SOX5: variants seen among roughly 807,000 people sequenced by gnomAD.
SOX5 encodes SRY-box transcription factor 5, also known as transcription factor SOX-5.
Under a neutral mutation model 92.0 loss-of-function variants are expected in SOX5, and 9 were observed. The ratio of observed to expected loss-of-function variants is 0.10; its 90% CI spans 0.06 to 0.17. The LOEUF is 0.17. Ranked by LOEUF, SOX5 falls within the 10% of genes least tolerant of loss-of-function variation. SOX5 has a pLI of 1.00. For missense variants in SOX5, 642 were observed against 944.5 expected (o/e 0.68, Z 4.20); for synonymous variants, 344 against 336.3 (o/e 1.02, Z -0.25).
At chr12:24,508,972 C>T (rs1020246059) in intron 1 of SOX5, among the ~76,000 whole-genome samples, 2 of 152,108 alleles carry the variant, frequency 1.3e-5, no homozygotes, top group African/African-American at 4.8e-5. Flanking sequence ...AAAGAAAGTT[C>T]GGAAATTGCC....
At chr12:23,955,684 T>G (rs1325787538), upstream of SOX5, among the ~76,000 whole-genome samples, 1 of 152,068 alleles carries the variant, frequency 6.6e-6, no homozygotes, top group Non-Finnish European at 1.5e-5. Context: ...TGTTCGCTTA[T>G]GAAGATGAAA....
intron 11 of SOX5, among the ~76,000 whole-genome samples, chr12:23,546,815 A>G (rs1290867164): frequency 6.6e-6 from 1 of 152,174 alleles, no homozygotes; most frequent in Non-Finnish European, 1.5e-5. Context: ...AGCCCAGAGA[A>G]AGTCTTCCAA....
chr12:24,114,927 C>A (rs1235103942), intron 4 of SOX5, among the ~76,000 whole-genome samples: 2 of 97,562 alleles, frequency 2.0e-5, no homozygotes, highest in South Asian at 1.2e-3. Context: ...CAGAGTGAGA[C>A]CCTGTCTCTA....
chr12:24,020,136 G>A (rs1163778628), intron 4 of SOX5, among the ~76,000 whole-genome samples: 3 of 152,116 alleles, frequency 2.0e-5, no homozygotes, highest in Non-Finnish European at 4.4e-5. Flanking sequence ...TCAATGTTGA[G>A]CAGTCCTTAA....
chr12:24,116,432 T>G (rs1310928214), intron 4 of SOX5, among the ~76,000 whole-genome samples: 4 of 152,166 alleles, frequency 2.6e-5, no homozygotes, highest in South Asian at 2.1e-4. Context: ...TCAAGGCAGA[T>G]TTTTGTAAAA....
intron 4 of SOX5, among the ~76,000 whole-genome samples, chr12:24,056,971 T>A (rs1166009516): frequency 7.0e-5 from 2 of 28,476 alleles, no homozygotes; most frequent in African/African-American, 2.6e-4. Context: ...CGAGACTCCG[T>A]CTCAAAAAAA....
chr12:23,743,486 A>G lies in SOX5; in HGVS notation c.569-2447T>C, dbSNP rs1003186990. 2.6e-5 allele frequency among the ~76,000 whole-genome samples: 4 copies of G among 151,758 alleles called. No homozygotes were observed. The East Asian group carries it at 7.8e-4, about 29-fold the overall frequency. On this transcript the variant is annotated intron_variant, in intron 4 of 14. Coordinates refer to ENST00000451604, the MANE Select transcript of SOX5 (RefSeq NM_006940.6). Reference sequence around the variant, plus strand: ...CACCATGCCTGGCTAATTTTTTTATATTTTTAGTAGAGACGGGATTTCACC... The same window carrying G: ...CACCATGCCTGGCTAATTTTTTTATGTTTTTAGTAGAGACGGGATTTCACC...
At chr12:23,639,682 A>C (rs10734727) in intron 8 of SOX5, among the ~76,000 whole-genome samples, 2,311 of 152,192 alleles carry the variant, frequency 0.015, 50 homozygotes, top group African/African-American at 0.053. Context: ...ACAGAAAAGG[A>C]AGAATAGAAA....
intron 3 of SOX5, among the ~76,000 whole-genome samples, chr12:23,793,814 G>A (rs1045852405): frequency 6.6e-6 from 1 of 152,130 alleles, no homozygotes; most frequent in Non-Finnish European, 1.5e-5. Flanking sequence ...ATTTAAGCAG[G>A]CATTCACTCT....
At chr12:23,742,214 G>A (rs903485199) in intron 4 of SOX5, among the ~76,000 whole-genome samples, 2 of 152,144 alleles carry the variant, frequency 1.3e-5, no homozygotes, top group African/African-American at 4.8e-5. Context: ...TTAGGAAGTA[G>A]CAGCTATAGT....
intron 4 of SOX5, among the ~76,000 whole-genome samples, chr12:24,089,277 C>A (rs781643239): frequency 1.6e-4 from 25 of 152,084 alleles, no homozygotes; most frequent in Non-Finnish European, 2.9e-4. Context: ...AAACAAAGAA[C>A]GATTGCTACT....
At chr12:24,201,402 AG>A (rs1190999920) in intron 4 of SOX5, among the ~76,000 whole-genome samples, 1 of 152,116 alleles carries the variant, frequency 6.6e-6, no homozygotes, top group Non-Finnish European at 1.5e-5. Flanking sequence ...ATGTACTTCT[AG>A]GGAGTTTCCT....
chr12:24,049,932 A>C (rs1166054847), intron 4 of SOX5, among the ~76,000 whole-genome samples: 1 of 151,954 alleles, frequency 6.6e-6, no homozygotes, highest in African/African-American at 2.4e-5. Flanking sequence ...AACATGTGAA[A>C]TCTTCACAGG....
intron 6 of SOX5, among the ~76,000 whole-genome samples, chr12:23,672,591 A>G (rs566336169): frequency 6.6e-6 from 1 of 152,164 alleles, no homozygotes; most frequent in South Asian, 2.1e-4. Context: ...TTCTCTCCAA[A>G]CTACTACTAC....
At chr12:24,395,521 C>T (rs1398410732) in intron 1 of SOX5, among the ~76,000 whole-genome samples, 1 of 152,162 alleles carries the variant, frequency 6.6e-6, no homozygotes, top group Non-Finnish European at 1.5e-5. Context: ...GTGGAAAACC[C>T]ACTGAATTCT....
chr12:23,575,907 G>GCTGCA, intron 9 of SOX5, 69 bp from the exon 10 acceptor site: 1 of 1,184,858 alleles, frequency 8.4e-7, no homozygotes, highest in Non-Finnish European at 1.2e-6. Context: ...AAAAACACAG[G>GCTGCA]TATGCAGCCT....
At chr12:23,555,731 T>A (rs1945038390) in intron 11 of SOX5, among the ~76,000 whole-genome samples, 1 of 152,142 alleles carries the variant, frequency 6.6e-6, no homozygotes, top group South Asian at 2.1e-4. Context: ...AGGACTAAAC[T>A]TCAAGCTCAA....
chr12:23,728,360 T>C (rs922486529), intron 6 of SOX5, among the ~76,000 whole-genome samples: 5 of 152,300 alleles, frequency 3.3e-5, no homozygotes. Context: ...GTGTTTATTC[T>C]TGGCATTTGC....
intron 2 of SOX5, among the ~76,000 whole-genome samples, chr12:23,853,971 C>G (rs772008032): frequency 1.9e-4 from 29 of 152,004 alleles, no homozygotes; most frequent in Non-Finnish European, 3.7e-4. Flanking sequence ...TGTAACTAGC[C>G]ACTGATTAGA....
Sources: gnomAD v4.1 joint callset for allele counts (sites outside exome capture counted in the v4.1 genomes callset) on GRCh38, gnomAD v4.1.1 for gene constraint, MANE v1.5 for transcripts, NCBI Gene and HGNC (gene_info 2026-07-23, HGNC 2026-07-21) for gene names.